The following RAB28 variants were observed in gnomAD, a reference collection of about 807,000 sequenced individuals.
RAB28 encodes the protein RAB28, member RAS oncogene family.
In RAB28, 24 loss-of-function variants were observed where a neutral mutation model predicts 31.7. The ratio of observed to expected loss-of-function variants is 0.76; its 90% CI spans 0.55 to 1.06. The LOEUF (loss-of-function observed/expected upper bound fraction) is 1.06. Ranked by LOEUF, RAB28 falls within the 50% of genes least tolerant of loss-of-function variation. RAB28 has a pLI of 0.00. For missense variants in RAB28, 254 were observed against 258.5 expected (o/e 0.98, Z 0.12); for synonymous variants, 100 against 90.4 (o/e 1.11, Z -0.60).
At chr4:13,459,023 ACT>A (rs1466899509) in intron 4 of RAB28, among the ~76,000 whole-genome samples, 1 of 152,146 alleles carries the variant, frequency 6.6e-6, no homozygotes, top group Non-Finnish European at 1.5e-5. Context: ...CTGGGTGGGC[ACT>A]CTCTAATCAA....
chr4:13,441,149 T>C (rs1364153003), intron 4 of RAB28, among the ~76,000 whole-genome samples: 5 of 152,204 alleles, frequency 3.3e-5, no homozygotes, highest in Admixed American at 6.5e-5. Context: ...CATAATGCCA[T>C]GTACTCACAA....
rs1352735239 is a variant in RAB28, at chr4:13,434,043, A to G, written c.391+26656T>C. 3.3e-5 allele frequency among the ~76,000 whole-genome samples: 5 copies of G among 152,156 alleles called. No individual in the cohort carries two copies. In the East Asian group the frequency reaches 9.6e-4, roughly 29 times the overall value. Reference sequence around the variant, plus strand: ...GGATACAACTGGAGGCCACTATCCTAAATGAATTAACATAGAAACAGAAAA... The same window carrying G: ...GGATACAACTGGAGGCCACTATCCTGAATGAATTAACATAGAAACAGAAAA... On this transcript the variant is annotated intron_variant, in intron 4 of 6. Coordinates refer to ENST00000330852, the MANE Select transcript of RAB28 (RefSeq NM_001017979.3).
chr4:13,412,953 T>C lies in RAB28; in HGVS notation c.392-31359A>G, dbSNP rs1051526164. Among the ~76,000 whole-genome samples the C allele has an allele frequency of 2.6e-5, 4 of 151,456 alleles. No homozygotes were observed. In the East Asian group the frequency reaches 7.8e-4, roughly 30 times the overall value. ...GCAGAAAAAGACACTACTGAAAAGA[T>C]AAGGGACATGAAAGACAAGATTGAG... On this transcript the variant is annotated intron_variant, in intron 4 of 6. Transcript: ENST00000330852.
At chr4:13,481,787 G>C (rs534368414) in intron 1 of RAB28, among the ~76,000 whole-genome samples, 26 of 152,190 alleles carry the variant, frequency 1.7e-4, no homozygotes, top group African/African-American at 6.0e-4. Flanking sequence ...GCATCTGTCA[G>C]TGTGTTGAAA....
intron 4 of RAB28, among the ~76,000 whole-genome samples, chr4:13,430,747 C>A (rs1274918589): frequency 6.6e-6 from 1 of 152,176 alleles, no homozygotes; most frequent in African/African-American, 2.4e-5. Context: ...ACACCCATAA[C>A]CCACTCTGAC....
chr4:13,404,190 C>T (rs1441660792), intron 4 of RAB28, among the ~76,000 whole-genome samples: 1 of 152,102 alleles, frequency 6.6e-6, no homozygotes, highest in Non-Finnish European at 1.5e-5. Flanking sequence ...ACCAGCCTGA[C>T]CAACATGGAG....
chr4:13,374,539 A>G (rs752465308), intron 6 of RAB28, among the ~76,000 whole-genome samples: 2 of 152,120 alleles, frequency 1.3e-5, no homozygotes, highest in Non-Finnish European at 2.9e-5. Flanking sequence ...CCTGTGAAGC[A>G]CCAGCCCACC....
At chr4:13,403,772 AAATG>A (rs1348409584) in intron 4 of RAB28, among the ~76,000 whole-genome samples, 3 of 152,218 alleles carry the variant, frequency 2.0e-5, no homozygotes, top group East Asian at 1.9e-4. Flanking sequence ...ATGAGTAAAT[AAATG>A]AATGAATACT....
At chr4:13,462,476 TAA>T (rs1372382690) in intron 3 of RAB28, among the ~76,000 whole-genome samples, 2 of 152,196 alleles carry the variant, frequency 1.3e-5, no homozygotes. Context: ...TTTTTCATTG[TAA>T]AAGTTTTTAA....
intron 6 of RAB28, 50 bp downstream of exon 6, chr4:13,376,495 C>G: frequency 1.5e-6 from 2 of 1,335,188 alleles, no homozygotes; most frequent in South Asian, 2.7e-5. Context: ...AAAATTAATG[C>G]CTTGTAAGAA....
intron 5 of RAB28, among the ~76,000 whole-genome samples, chr4:13,378,708 C>T (rs1299484179): frequency 6.6e-6 from 1 of 151,942 alleles, no homozygotes; most frequent in African/African-American, 2.4e-5. Context: ...GAAGTTGGCC[C>T]TAGCTAGAAT....
intron 4 of RAB28, among the ~76,000 whole-genome samples, chr4:13,457,394 T>C (rs1216428491): frequency 6.6e-6 from 1 of 152,200 alleles, no homozygotes; most frequent in Non-Finnish European, 1.5e-5. Context: ...TAGGCTTAAC[T>C]GCAGAAGGAT....
chr4:13,454,393 T>C (rs942226472), intron 4 of RAB28, among the ~76,000 whole-genome samples: 6 of 152,204 alleles, frequency 3.9e-5, no homozygotes, highest in African/African-American at 1.4e-4. Flanking sequence ...AGGTGTCGTT[T>C]CCTTGCTTTT....
chr4:13,430,194 G>A (rs1713737426), intron 4 of RAB28, among the ~76,000 whole-genome samples: 2 of 152,040 alleles, frequency 1.3e-5, no homozygotes, highest in African/African-American at 4.8e-5. Context: ...ACTCAAAATG[G>A]ATCAAAAGAG....
Position 13,474,390 on chromosome 4 carries a change from G to T in RAB28, c.189C>A (p.Thr63=). ...GCCCTCCTATATCCCAAATTTGAAG[G>T]GTAACATTCAAGTTTCCTAGAATAT... ...RITLPGNLNV[T]LQIWDIGGQT... Residue 63 remains threonine, a synonymous_variant, in exon 3 of 7, where the codon ACC becomes ACA. Transcript: ENST00000330852. 2 of 1,574,804 alleles carry T rather than the reference G, an allele frequency of 1.3e-6. No individual in the cohort carries two copies. Among genetic ancestry groups the T allele is most frequent in the Non-Finnish European group, 1.7e-6 (2 of 1,157,320 alleles).
intron 4 of RAB28, among the ~76,000 whole-genome samples, chr4:13,430,477 C>G (rs950120549): frequency 1.3e-5 from 2 of 152,146 alleles, no homozygotes; most frequent in Non-Finnish European, 2.9e-5. Context: ...GTCTGCTGAC[C>G]ACCAAACTGT....
chr4:13,380,938 T>C (rs1268698894), intron 5 of RAB28, among the ~76,000 whole-genome samples: 3 of 151,870 alleles, frequency 2.0e-5, no homozygotes, highest in Non-Finnish European at 2.9e-5. Flanking sequence ...AAAAGTAAAA[T>C]ATAAAATTAT....
chr4:13,417,119 G>A (rs1176559367), intron 4 of RAB28, among the ~76,000 whole-genome samples: 3 of 152,322 alleles, frequency 2.0e-5, no homozygotes, highest in East Asian at 1.9e-4. Context: ...CATGCCTATA[G>A]AGCCTTGCTC....
At chr4:13,475,866 G>A (rs1423984640) in intron 2 of RAB28, among the ~76,000 whole-genome samples, 2 of 151,524 alleles carry the variant, frequency 1.3e-5, no homozygotes, top group African/African-American at 4.8e-5. Flanking sequence ...CTATAATGCT[G>A]TCTCAAATGA....
Sources: allele counts gnomAD v4.1 joint callset (sites outside exome capture counted in the v4.1 genomes callset), GRCh38; gene constraint gnomAD v4.1.1; transcripts MANE v1.5; gene names NCBI Gene and HGNC (gene_info 2026-07-23, HGNC 2026-07-21).